The following QKI variants were observed in gnomAD, a reference collection of about 807,000 sequenced individuals.
QKI encodes the protein KH domain-containing RNA-binding protein QKI.
A neutral mutation model predicts 39.0 loss-of-function variants in QKI; 10 were observed. The ratio of observed to expected loss-of-function variants is 0.26; its 90% confidence interval spans 0.16 to 0.43. The LOEUF (loss-of-function observed/expected upper bound fraction) is 0.43, where lower values mean the gene tolerates loss of function less well. QKI is among the 20% of genes least tolerant of loss of function. The pLI, the probability that QKI is intolerant of heterozygous loss-of-function variation, is 1.00. For missense variants in QKI, 218 were observed against 428.0 expected (o/e 0.51, Z 4.33); for synonymous variants, 204 against 155.4 (o/e 1.31, Z -2.33).
At chr6:163,492,568 T>A (rs1372250105) in intron 3 of QKI, among the ~76,000 whole-genome samples, 1 of 152,170 alleles carries the variant, frequency 6.6e-6, no homozygotes, top group Non-Finnish European at 1.5e-5. Flanking sequence ...TAAAAAGGTC[T>A]GCAAAAACTT....
chr6:163,436,881 T>C (rs996769627), intron 1 of QKI, among the ~76,000 whole-genome samples: 7 of 152,092 alleles, frequency 4.6e-5, no homozygotes, highest in South Asian at 4.1e-4. Context: ...TATTTTTCAT[T>C]GAAAGTAGTT....
intron 1 of QKI, among the ~76,000 whole-genome samples, chr6:163,449,576 G>GT (rs1311320407): frequency 2.6e-5 from 4 of 152,134 alleles, no homozygotes; most frequent in East Asian, 3.9e-4. Context: ...AAACTGTTTT[G>GT]TTTTTTTACA....
chr6:163,434,116 A>T (rs544048527), intron 1 of QKI, among the ~76,000 whole-genome samples: 2 of 152,036 alleles, frequency 1.3e-5, no homozygotes, highest in Admixed American at 1.3e-4. Flanking sequence ...CTGGGGGGAT[A>T]CAAAGATGGA....
At chr6:163,469,896 C>T (rs1195087197) in intron 2 of QKI, among the ~76,000 whole-genome samples, 2 of 152,118 alleles carry the variant, frequency 1.3e-5, no homozygotes, top group Non-Finnish European at 1.5e-5. Flanking sequence ...TTACACCATA[C>T]TACCTTATGT....
chr6:163,566,044 G>C, intron 6 of QKI: 2 of 1,579,396 alleles, frequency 1.3e-6, no homozygotes, highest in Admixed American at 1.7e-5. Context: ...AGCAGCCTCC[G>C]GGGGAAAAAA....
chr6:163,487,715 AT>A (rs1562480443), intron 3 of QKI, among the ~76,000 whole-genome samples: 1 of 151,916 alleles, frequency 6.6e-6, no homozygotes, highest in African/African-American at 2.4e-5. Flanking sequence ...TTTCTTGTAA[AT>A]TGGTAATGAC....
At chr6:163,448,750 G>A (rs1790339899) in intron 1 of QKI, among the ~76,000 whole-genome samples, 1 of 151,738 alleles carries the variant, frequency 6.6e-6, no homozygotes, top group Admixed American at 6.6e-5. Flanking sequence ...AAATAAATAA[G>A]TAAATAAATA....
At chr6:163,532,968 G>A (rs1023414019) in intron 3 of QKI, among the ~76,000 whole-genome samples, 5 of 152,058 alleles carry the variant, frequency 3.3e-5, no homozygotes, top group Non-Finnish European at 7.4e-5. Context: ...GAAACTTGTT[G>A]ATACGTTTTG....
chr6:163,511,981 A>AT (rs1253934914), intron 3 of QKI, among the ~76,000 whole-genome samples: 1 of 151,698 alleles, frequency 6.6e-6, no homozygotes, highest in Non-Finnish European at 1.5e-5. Flanking sequence ...TTAACGATAA[A>AT]AAAAGAAGAT....
chr6:163,434,282 G>A (rs757267077), intron 1 of QKI, among the ~76,000 whole-genome samples: 1 of 152,084 alleles, frequency 6.6e-6, no homozygotes, highest in African/African-American at 2.4e-5. Flanking sequence ...TTTCTTCTAG[G>A]TTCACAGATT....
rs146233187 is a variant in QKI at position 163,508,578 on chromosome 6, G to A, written c.403-26404G>A. 7.7e-3 allele frequency among the ~76,000 whole-genome samples: 1,151 copies of A among 149,002 alleles called. 16 individuals carry two copies. The highest frequency in any genetic ancestry group is 0.027 in the African/African-American group (1,091 of 40,454). ...GCGTTTCACTCTTGTTGCCCAGGCT[G>A]GAGTGCAGTGGTGCAATCTTGGCTT... On this transcript the variant is annotated intron_variant, in intron 3 of 7. Transcript: ENST00000361752.
intron 3 of QKI, among the ~76,000 whole-genome samples, chr6:163,533,266 A>G (rs1335590108): frequency 6.6e-6 from 1 of 152,138 alleles, no homozygotes; most frequent in African/African-American, 2.4e-5. Flanking sequence ...ATTAATACAT[A>G]TTTTATTTCT....
intron 1 of QKI, 52 bp downstream of exon 1, chr6:163,415,387 C>G: frequency 6.8e-7 from 1 of 1,479,384 alleles, no homozygotes; most frequent in African/African-American, 1.4e-5. Flanking sequence ...GGGGCGGCCC[C>G]TTTCCCCGCT....
At chr6:163,490,195 C>G (rs141599687) in intron 3 of QKI, among the ~76,000 whole-genome samples, 251 of 152,228 alleles carry the variant, frequency 1.6e-3, no homozygotes, top group Middle Eastern at 0.014. Context: ...ATTAAGTCAT[C>G]GAGTCTAAAC....
At chr6:163,455,567 A>T in intron 2 of QKI, 146 bp downstream of exon 2, 2 of 830,498 alleles carry the variant, frequency 2.4e-6, no homozygotes, top group Non-Finnish European at 3.7e-6. Flanking sequence ...TGGCATGATA[A>T]TTTAAAAAAT....
chr6:163,460,188 A>G (rs564701519), intron 2 of QKI, among the ~76,000 whole-genome samples: 1 of 152,214 alleles, frequency 6.6e-6, no homozygotes, highest in Non-Finnish European at 1.5e-5. Context: ...TGATGATTAA[A>G]TTGTAGTGAG....
chr6:163,540,259 G>GGGCAGA (rs775674118), intron 4 of QKI, among the ~76,000 whole-genome samples: 3 of 151,842 alleles, frequency 2.0e-5, no homozygotes, highest in Non-Finnish European at 2.9e-5. Flanking sequence ...GAGTAGGGAG[G>GGGCAGA]GGCAGACTTT....
At chr6:163,452,725 T>A (rs551278390) in intron 1 of QKI, among the ~76,000 whole-genome samples, 1 of 151,674 alleles carries the variant, frequency 6.6e-6, no homozygotes, top group South Asian at 2.1e-4. Context: ...TTTTATACAT[T>A]TTCTTTTTAT....
chr6:163,459,795 GATTAA>G (rs910346024), intron 2 of QKI, among the ~76,000 whole-genome samples: 2 of 152,082 alleles, frequency 1.3e-5, no homozygotes, highest in African/African-American at 4.8e-5. Flanking sequence ...AAGGATAAAC[GATTAA>G]ATTATTGAAG....
Sources: gnomAD v4.1 joint callset for allele counts (sites outside exome capture counted in the v4.1 genomes callset) on GRCh38, gnomAD v4.1.1 for gene constraint, MANE v1.5 for transcripts, NCBI Gene and HGNC (gene_info 2026-07-23, HGNC 2026-07-21) for gene names.